The following MAP4K5 variants were observed in gnomAD, a reference collection of about 807,000 sequenced individuals.
MAP4K5 encodes mitogen-activated protein kinase kinase kinase kinase 5.
MAP4K5 carries 82 observed loss-of-function variants against 135.6 expected under a neutral mutation model. The ratio of observed to expected loss-of-function variants is 0.60; its 90% CI spans 0.51 to 0.73. The LOEUF (loss-of-function observed/expected upper bound fraction) is 0.73. Ranked by LOEUF, MAP4K5 falls within the 30% of genes least tolerant of loss-of-function variation. The pLI, the probability that MAP4K5 is intolerant of heterozygous loss-of-function variation, is 0.00. For missense variants in MAP4K5, 907 were observed against 1,010.9 expected (o/e 0.90, Z 1.39); for synonymous variants, 347 against 335.0 (o/e 1.04, Z -0.39).
At chr14:50,516,248 A>G (rs1225202671) in intron 2 of MAP4K5, among the ~76,000 whole-genome samples, 1 of 152,234 alleles carries the variant, frequency 6.6e-6, no homozygotes, top group African/African-American at 2.4e-5. Context: ...GGATTGCACA[A>G]TTGGGTAGAC....
At chr14:50,496,214 T>C (rs890597589) in intron 3 of MAP4K5, among the ~76,000 whole-genome samples, 25 of 151,570 alleles carry the variant, frequency 1.6e-4, no homozygotes, top group Admixed American at 1.3e-4. Context: ...TAATCCCAGG[T>C]ACTCGGGAGG....
At chr14:50,560,698 C>G (rs2038829976) in intron 1 of MAP4K5, among the ~76,000 whole-genome samples, 1 of 152,164 alleles carries the variant, frequency 6.6e-6, no homozygotes, top group Non-Finnish European at 1.5e-5. Flanking sequence ...GGCGAGGGGT[C>G]GGGGATCTAG....
At position 50,506,810 on chromosome 14, in the gene MAP4K5, C is replaced by T. The variant is rs572924733; in HGVS notation, c.109-1953G>A. 5.3e-5 allele frequency among the ~76,000 whole-genome samples: 8 copies of T among 152,330 alleles called. No individual in the cohort carries two copies. The South Asian group carries it at 1.2e-3, about 24-fold the overall frequency. On this transcript the variant is annotated intron_variant, in intron 2 of 32. Transcript: ENST00000682126. ...ATAGTTATAGTTACTTCTCTCCTAA[C>T]TACGAACACATTTACAAAAAGGGGA...
chr14:50,552,388 C>G (rs946800097), intron 1 of MAP4K5, among the ~76,000 whole-genome samples: 20 of 152,296 alleles, frequency 1.3e-4, no homozygotes, highest in African/African-American at 4.3e-4. Flanking sequence ...AATGGAAACA[C>G]ATCCCATGCT....
intron 11 of MAP4K5, among the ~76,000 whole-genome samples, chr14:50,465,769 G>GAGAACACTGGATTATAA (rs1418591212): frequency 3.2e-4 from 48 of 152,000 alleles, no homozygotes; most frequent in African/African-American, 1.1e-3. Flanking sequence ...TGAGTTTTAT[G>GAGAACACTGGATTATAA]AGAACACTGG....
chr14:50,515,084 A>G (rs890302872), intron 2 of MAP4K5, among the ~76,000 whole-genome samples: 19 of 152,038 alleles, frequency 1.2e-4, no homozygotes, highest in African/African-American at 4.1e-4. Flanking sequence ...TTGTATTTTT[A>G]GTACAGACGA....
intron 23 of MAP4K5, chr14:50,438,462 T>C (rs952557251): frequency 1.9e-5 from 3 of 157,728 alleles, no homozygotes; most frequent in African/African-American, 7.2e-5. Context: ...TCATTGTGAA[T>C]GAAGTCTTAA....
chr14:50,507,638 T>A (rs1180236679), intron 2 of MAP4K5, among the ~76,000 whole-genome samples: 2 of 152,342 alleles, frequency 1.3e-5, no homozygotes, highest in Non-Finnish European at 2.9e-5. Flanking sequence ...GTTGTTCAGT[T>A]TCCATGCAGT....
intron 1 of MAP4K5, among the ~76,000 whole-genome samples, chr14:50,550,126 A>G (rs1482832994): frequency 6.6e-6 from 1 of 152,168 alleles, no homozygotes; most frequent in African/African-American, 2.4e-5. Flanking sequence ...TGAGAGCCTT[A>G]TGATATCAAC....
At chr14:50,482,540 A>T (rs2037269031) in intron 5 of MAP4K5, 124 bp from the exon 6 acceptor site, 1 of 589,324 alleles carries the variant, frequency 1.7e-6, no homozygotes, top group African/African-American at 2.0e-5. Flanking sequence ...GCACTTTGGG[A>T]GGCCAAGGCA....
At chr14:50,559,973 GT>G in intron 1 of MAP4K5, 1 of 487,058 alleles carries the variant, frequency 2.1e-6, no homozygotes, top group Non-Finnish European at 3.7e-6. Context: ...CGTTGAAAAT[GT>G]TGCGGTACGT....
chr14:50,462,557 G>C (rs148947672), intron 13 of MAP4K5, 108 bp downstream of exon 13: 1 of 728,820 alleles, frequency 1.4e-6, no homozygotes, highest in Non-Finnish European at 2.4e-6. Flanking sequence ...AGCTAAACCT[G>C]TTTTAACTAA....
At chr14:50,540,433 G>T (rs1457116800) in intron 2 of MAP4K5, among the ~76,000 whole-genome samples, 71 of 152,082 alleles carry the variant, frequency 4.7e-4, no homozygotes, top group Non-Finnish European at 4.4e-5. Flanking sequence ...CTTAATTAAG[G>T]GTGAGGGCGG....
At chr14:50,431,953 G>C (rs1267134344) in intron 28 of MAP4K5, among the ~76,000 whole-genome samples, 1 of 152,144 alleles carries the variant, frequency 6.6e-6, no homozygotes, top group African/African-American at 2.4e-5. Flanking sequence ...CATAAACACA[G>C]AATTTTATAT....
At chr14:50,474,688 G>A (rs117559074) in intron 9 of MAP4K5, among the ~76,000 whole-genome samples, 399 of 152,138 alleles carry the variant, frequency 2.6e-3, no homozygotes, top group Middle Eastern at 6.8e-3. Context: ...CATGGCACAC[G>A]TTTACCTATG....
At chr14:50,558,203 T>C (rs1019047679) in intron 1 of MAP4K5, among the ~76,000 whole-genome samples, 1 of 151,998 alleles carries the variant, frequency 6.6e-6, no homozygotes, top group Admixed American at 6.6e-5. Flanking sequence ...CGTCTCTACA[T>C]ACAAAAACAG....
intron 22 of MAP4K5, 107 bp from the exon 23 acceptor site, chr14:50,440,180 A>G: frequency 1.1e-6 from 1 of 877,726 alleles, no homozygotes. Flanking sequence ...ACTTTCAGGT[A>G]ATTATCAAAC....
intron 9 of MAP4K5, among the ~76,000 whole-genome samples, chr14:50,473,874 C>A (rs2037032196): frequency 6.6e-6 from 1 of 151,972 alleles, no homozygotes; most frequent in Non-Finnish European, 1.5e-5. Context: ...CAGGCACCTG[C>A]CACGACGCCC....
intron 28 of MAP4K5, among the ~76,000 whole-genome samples, chr14:50,432,679 A>C (rs148851771): frequency 2.0e-5 from 3 of 152,280 alleles, no homozygotes; most frequent in African/African-American, 7.2e-5. Context: ...AATCCAGAAG[A>C]AAGTGGTCGC....
Sources: allele counts gnomAD v4.1 joint callset (sites outside exome capture counted in the v4.1 genomes callset), GRCh38; gene constraint gnomAD v4.1.1; transcripts MANE v1.5; gene names NCBI Gene and HGNC (gene_info 2026-07-23, HGNC 2026-07-21).